The following SLC2A13 variants were observed in gnomAD, a reference collection of about 807,000 sequenced individuals.
SLC2A13 encodes the protein solute carrier family 2 member 13, also known as proton myo-inositol cotransporter.
Under a neutral mutation model 64.4 loss-of-function variants are expected in SLC2A13, and 32 were observed. The ratio of observed to expected loss-of-function variants is 0.50; its 90% CI spans 0.37 to 0.67. The LOEUF (loss-of-function observed/expected upper bound fraction) is 0.67, where lower values mean the gene tolerates loss of function less well. Ranked by LOEUF, SLC2A13 falls within the 30% of genes least tolerant of loss-of-function variation. The pLI is 0.00. For synonymous variants in SLC2A13, 338 were observed against 327.1 expected, an observed-to-expected ratio of 1.03 and a Z score of -0.36; for missense variants, 743 against 829.2, an observed-to-expected ratio of 0.90 and a Z score of 1.28.
chr12:39,812,398 C>CT (rs1453035997), intron 7 of SLC2A13, among the ~76,000 whole-genome samples: 7 of 111,360 alleles, frequency 6.3e-5, no homozygotes, highest in East Asian at 4.3e-4. Flanking sequence ...TTCTCTCTCT[C>CT]TTTCTTCCTT....
intron 7 of SLC2A13, among the ~76,000 whole-genome samples, chr12:39,781,738 A>T (rs920859683): frequency 3.9e-5 from 6 of 152,236 alleles, no homozygotes; most frequent in African/African-American, 1.4e-4. Flanking sequence ...AGCATACAAC[A>T]TAAAAGAGAT....
At chr12:40,081,693 T>G (rs1938407427) in intron 1 of SLC2A13, among the ~76,000 whole-genome samples, 1 of 152,222 alleles carries the variant, frequency 6.6e-6, no homozygotes, top group African/African-American at 2.4e-5. Flanking sequence ...TTCAGTGATT[T>G]CAATCAAGAA....
At chr12:40,079,287 T>C (rs1183404406) in intron 1 of SLC2A13, among the ~76,000 whole-genome samples, 1 of 152,242 alleles carries the variant, frequency 6.6e-6, no homozygotes, top group East Asian at 1.9e-4. Flanking sequence ...CTGCTTTAGC[T>C]GCATCCCAAA....
intron 1 of SLC2A13, among the ~76,000 whole-genome samples, chr12:40,091,553 G>A (rs1017312755): frequency 2.0e-5 from 3 of 152,164 alleles, no homozygotes; most frequent in Non-Finnish European, 4.4e-5. Flanking sequence ...TATATTTGAT[G>A]CATTAAATTC....
intron 4 of SLC2A13, among the ~76,000 whole-genome samples, chr12:39,918,938 G>GCACA (rs567663354): frequency 4.7e-5 from 7 of 149,722 alleles, no homozygotes; most frequent in Non-Finnish European, 7.4e-5. Flanking sequence ...TTATACACGC[G>GCACA]CACACACACA....
chr12:39,811,484 T>G (rs941016053), intron 7 of SLC2A13, among the ~76,000 whole-genome samples: 1 of 152,172 alleles, frequency 6.6e-6, no homozygotes, highest in African/African-American at 2.4e-5. Context: ...AGCTGTCCCC[T>G]GACGTTCTTG....
chr12:39,829,400 T>TTTTTTTTTTTTG (rs1942789688), intron 7 of SLC2A13: 1 of 98,746 alleles, frequency 1.0e-5, no homozygotes, highest in African/African-American at 4.3e-5. Flanking sequence ...TTCTTTTTTT[T>TTTTTTTTTTTTG]TTTTTTTTTT....
At position 39,827,016 on chromosome 12, in the gene SLC2A13, G is replaced by A. The variant is rs538008514; in HGVS notation, c.1445+3087C>T. ...ATTACTTTTAATGGCAAAAAGTAAT[G>A]GTAAAACCGCAGTTAACTTTTGCAC... On this transcript the variant is annotated intron_variant, in intron 7 of 9. Coordinates refer to ENST00000280871, the MANE Select transcript of SLC2A13 (RefSeq NM_052885.4). Among the ~76,000 whole-genome samples, 149 of 146,114 alleles carry A rather than the reference G, an allele frequency of 1.0e-3. 1 individual carries two copies. In the South Asian group the frequency reaches 0.022, roughly 22 times the overall value.
chr12:39,806,841 GTTAA>G (rs1370396130), intron 7 of SLC2A13, among the ~76,000 whole-genome samples: 1 of 152,072 alleles, frequency 6.6e-6, no homozygotes, highest in Non-Finnish European at 1.5e-5. Flanking sequence ...CTTTAAGAGG[GTTAA>G]TTGTTAAGAA....
At chr12:40,029,094 C>A (rs1314875685) in intron 2 of SLC2A13, among the ~76,000 whole-genome samples, 1 of 151,994 alleles carries the variant, frequency 6.6e-6, no homozygotes, top group Non-Finnish European at 1.5e-5. Flanking sequence ...AGTCAGAAAT[C>A]AATAATCCTA....
intron 3 of SLC2A13, among the ~76,000 whole-genome samples, chr12:40,003,909 C>T (rs532360708): frequency 2.0e-4 from 30 of 151,950 alleles, no homozygotes; most frequent in African/African-American, 7.0e-4. Flanking sequence ...AGGAGAATCG[C>T]TAGAACCCAG....
chr12:39,851,402 A>C lies in SLC2A13; in HGVS notation c.1319+13360T>G, dbSNP rs557285894. Among the ~76,000 whole-genome samples, 4 of 152,352 alleles carry C rather than the reference A, an allele frequency of 2.6e-5. No individual in the cohort carries two copies. In the South Asian group the frequency reaches 8.3e-4, roughly 32 times the overall value. Reference sequence around the variant, plus strand: ...AGGAAGAATGAGAATTAAAAAATGCATTCTGACTCTTAACTGACAATAACT... The same window carrying C: ...AGGAAGAATGAGAATTAAAAAATGCCTTCTGACTCTTAACTGACAATAACT... On this transcript the variant is annotated intron_variant, in intron 6 of 9. Transcript: ENST00000280871.
At chr12:39,913,523 AT>A (rs747646004) in intron 4 of SLC2A13, among the ~76,000 whole-genome samples, 1 of 151,950 alleles carries the variant, frequency 6.6e-6, no homozygotes, top group African/African-American at 2.4e-5. Context: ...AAAAAAAAAA[AT>A]CTAGCATTAA....
intron 1 of SLC2A13, among the ~76,000 whole-genome samples, chr12:40,071,702 T>C (rs1186953957): frequency 6.6e-6 from 1 of 152,138 alleles, no homozygotes; most frequent in Non-Finnish European, 1.5e-5. Flanking sequence ...TTCATCTAGG[T>C]TATCAAACTT....
At chr12:40,051,539 G>A (rs1181846848) in intron 1 of SLC2A13, among the ~76,000 whole-genome samples, 1 of 152,146 alleles carries the variant, frequency 6.6e-6, no homozygotes, top group Non-Finnish European at 1.5e-5. Context: ...ATTGCCAAAG[G>A]GGAAGTGTGA....
At chr12:40,014,853 T>G (rs1281982328) in intron 3 of SLC2A13, among the ~76,000 whole-genome samples, 2 of 152,222 alleles carry the variant, frequency 1.3e-5, no homozygotes, top group Non-Finnish European at 2.9e-5. Context: ...TAATGCTATA[T>G]TAGATCCAGC....
chr12:40,081,738 T>C, intron 1 of SLC2A13, among the ~76,000 whole-genome samples: 1 of 152,240 alleles, frequency 6.6e-6, no homozygotes, highest in East Asian at 1.9e-4. Flanking sequence ...CATTTGGAGG[T>C]AAGATGACAC....
chr12:40,032,447 A>C (rs1228144636), intron 2 of SLC2A13, among the ~76,000 whole-genome samples: 3 of 152,252 alleles, frequency 2.0e-5, no homozygotes, highest in Non-Finnish European at 4.4e-5. Context: ...TGGCACAGCT[A>C]GCAGTACCAG....
chr12:39,894,430 C>T (rs1029715939), intron 4 of SLC2A13, among the ~76,000 whole-genome samples: 7 of 152,194 alleles, frequency 4.6e-5, no homozygotes, highest in African/African-American at 1.2e-4. Context: ...GATAAGTGAA[C>T]CCCTAATACC....
Sources: allele counts gnomAD v4.1 joint callset (sites outside exome capture counted in the v4.1 genomes callset), GRCh38; gene constraint gnomAD v4.1.1; transcripts MANE v1.5; gene names NCBI Gene and HGNC (gene_info 2026-07-23, HGNC 2026-07-21).